Variants in DLG2 observed in about 807,000 individuals in gnomAD.
DLG2 encodes the protein disks large homolog 2.
Under a neutral mutation model 132.5 loss-of-function variants are expected in DLG2, and 45 were observed. The ratio of observed to expected loss-of-function variants is 0.34; its 90% confidence interval spans 0.27 to 0.44. The LOEUF (loss-of-function observed/expected upper bound fraction) is 0.44. Among genes scored for constraint, DLG2 ranks in the 20% least tolerant of loss-of-function variants. The pLI, the probability that DLG2 is intolerant of heterozygous loss-of-function variation, is 1.00. For missense variants in DLG2, 1,045 were observed against 1,196.9 expected, an observed-to-expected ratio of 0.87 and a Z score of 1.87; for synonymous variants, 424 against 419.6, an observed-to-expected ratio of 1.01 and a Z score of -0.13.
intron 17 of DLG2, among the ~76,000 whole-genome samples, chr11:83,801,429 C>A (rs1443839996): frequency 1.3e-5 from 2 of 152,162 alleles, no homozygotes; most frequent in Admixed American, 6.5e-5. Flanking sequence ...AATTCAAACT[C>A]CTTTCCTCGG....
intron 18 of DLG2, among the ~76,000 whole-genome samples, chr11:83,718,698 G>T (rs2087496576): frequency 6.6e-6 from 1 of 152,102 alleles, no homozygotes; most frequent in African/African-American, 2.4e-5. Flanking sequence ...GGCTGAGAGG[G>T]AGGTGAAGTT....
intron 18 of DLG2, among the ~76,000 whole-genome samples, chr11:83,759,345 A>G (rs1428571020): frequency 6.6e-6 from 1 of 152,214 alleles, no homozygotes; most frequent in African/African-American, 2.4e-5. Flanking sequence ...GCATGAGCAT[A>G]GAATTGTGGT....
chr11:84,125,095 C>A (rs2094114256), intron 9 of DLG2, among the ~76,000 whole-genome samples: 1 of 151,984 alleles, frequency 6.6e-6, no homozygotes, highest in South Asian at 2.1e-4. Flanking sequence ...GGTGATATGC[C>A]CGTCTCGGCC....
chr11:84,784,407 C>G (rs941984823), intron 6 of DLG2, among the ~76,000 whole-genome samples: 9 of 150,390 alleles, frequency 6.0e-5, no homozygotes, highest in African/African-American at 2.2e-4. Flanking sequence ...GAACATTGTC[C>G]GTGGAGTCAG....
intron 6 of DLG2, among the ~76,000 whole-genome samples, chr11:85,044,729 A>G (rs1374791876): frequency 6.6e-6 from 1 of 152,084 alleles, no homozygotes; most frequent in Non-Finnish European, 1.5e-5. Flanking sequence ...GTAACCCATC[A>G]GAAAAGCAAT....
chr11:85,154,539 A>G lies in DLG2; in HGVS notation c.282+17T>C. The G allele has an allele frequency of 7.9e-7, 1 of 1,273,368 alleles. No individual in the cohort carries two copies. Among genetic ancestry groups the G allele is most frequent in the East Asian group, 2.5e-5 (1 of 39,556 alleles). 78.9% of individuals were successfully genotyped at this position (1,273,368 alleles called of 1,614,324 possible). A position where few individuals can be genotyped will look rare whatever the true frequency, so the allele number is the denominator to read the frequency against. The stretch of plus-strand genomic sequence containing the variant: ...CCCATGAAGCCTAGTAAGAAAAGAA[A>G]ACAGTATAACACTTACAGTTGTCGT... On this transcript the variant is annotated intron_variant, in intron 5 of 27. Transcript: ENST00000376104.
chr11:85,214,891 T>C (rs1284422008), intron 4 of DLG2, among the ~76,000 whole-genome samples: 1 of 152,190 alleles, frequency 6.6e-6, no homozygotes. Context: ...ATAAATCTTT[T>C]ATCAAAAATA....
intron 7 of DLG2, among the ~76,000 whole-genome samples, chr11:84,252,071 A>C (rs1463718975): frequency 1.3e-5 from 2 of 151,882 alleles, no homozygotes; most frequent in East Asian, 3.9e-4. Flanking sequence ...TATTCAATAC[A>C]AAAAGGCTTC....
chr11:84,799,956 C>G (rs1159901608), intron 6 of DLG2, among the ~76,000 whole-genome samples: 1 of 152,178 alleles, frequency 6.6e-6, no homozygotes, highest in Non-Finnish European at 1.5e-5. Flanking sequence ...TTATGAGAAG[C>G]TCTTTCTCAC....
intron 16 of DLG2, among the ~76,000 whole-genome samples, chr11:83,868,652 TAG>T (rs1310850966): frequency 1.3e-5 from 2 of 152,168 alleles, no homozygotes; most frequent in East Asian, 1.9e-4. Flanking sequence ...TCTGTTTTGA[TAG>T]AGTCACTTAA....
chr11:83,958,151 G>A (rs1309892283), intron 14 of DLG2, among the ~76,000 whole-genome samples: 2 of 152,162 alleles, frequency 1.3e-5, no homozygotes, highest in East Asian at 3.9e-4. Context: ...TTCACTGAAT[G>A]AGCAAATAAC....
At chr11:85,347,280 G>A (rs1273918231) in intron 3 of DLG2, among the ~76,000 whole-genome samples, 1 of 151,938 alleles carries the variant, frequency 6.6e-6, no homozygotes. Context: ...TGAAGCACAG[G>A]GAGGGGCTCT....
chr11:84,815,622 G>C (rs138326319), intron 6 of DLG2, among the ~76,000 whole-genome samples: 24 of 152,172 alleles, frequency 1.6e-4, no homozygotes, highest in African/African-American at 5.5e-4. Flanking sequence ...GACAGCTAGA[G>C]ATATCCTTCA....
Position 84,015,228 on chromosome 11 carries a change from T to C in DLG2, c.920-34586A>G, listed in dbSNP as rs758583712. The stretch of plus-strand genomic sequence containing the variant: ...ATTCATTCACATCATAATTATTAGT[T>C]GATCACTAAATATAAAGAAGCATGT... On this transcript the variant is annotated intron_variant, in intron 11 of 27. Coordinates refer to ENST00000376104, the MANE Select transcript of DLG2 (RefSeq NM_001142699.3). Among the ~76,000 whole-genome samples the C allele has an allele frequency of 2.0e-5, 3 of 152,280 alleles. No individual in the cohort carries two copies. In the South Asian group the frequency reaches 6.2e-4, roughly 32 times the overall value.
At chr11:85,474,510 T>C (rs1430340870) in intron 3 of DLG2, among the ~76,000 whole-genome samples, 1 of 151,974 alleles carries the variant, frequency 6.6e-6, no homozygotes, top group Non-Finnish European at 1.5e-5. Context: ...GATTAGATTT[T>C]AAAATACTAA....
intron 18 of DLG2, among the ~76,000 whole-genome samples, chr11:83,672,923 G>A (rs1360310850): frequency 6.6e-6 from 1 of 152,148 alleles, no homozygotes; most frequent in African/African-American, 2.4e-5. Context: ...TTAGCTGGAT[G>A]TAGTGGCACA....
rs1434130812 is a variant in DLG2 at position 84,247,552 on chromosome 11, G to A, written c.573+3686C>T. Among the ~76,000 whole-genome samples the A allele has an allele frequency of 2.6e-5, 4 of 152,200 alleles. No individual in the cohort carries two copies. The South Asian group carries it at 8.3e-4, about 32-fold the overall frequency. On this transcript the variant is annotated intron_variant, in intron 8 of 27. Coordinates refer to ENST00000376104, the MANE Select transcript of DLG2 (RefSeq NM_001142699.3). ...TGCTTTGCATGAGAAGCTAGACTAT[G>A]TCACATTTAAGGTCATACCCAACCC...
At chr11:85,427,937 C>G (rs1301445802) in intron 3 of DLG2, among the ~76,000 whole-genome samples, 1 of 151,862 alleles carries the variant, frequency 6.6e-6, no homozygotes, top group Non-Finnish European at 1.5e-5. Context: ...GGAAGATCTA[C>G]CAAGGAAATG....
chr11:84,800,887 T>G (rs1418900751), intron 6 of DLG2, among the ~76,000 whole-genome samples: 3 of 152,240 alleles, frequency 2.0e-5, no homozygotes, highest in Non-Finnish European at 4.4e-5. Flanking sequence ...CTAGAAAATT[T>G]ACAAATAACA....
Sources: allele counts gnomAD v4.1 joint callset (sites outside exome capture counted in the v4.1 genomes callset), GRCh38; gene constraint gnomAD v4.1.1; transcripts MANE v1.5; gene names NCBI Gene and HGNC (gene_info 2026-07-23, HGNC 2026-07-21).